Variants in PAX5 observed in about 807,000 individuals in gnomAD.
PAX5 encodes paired box protein Pax-5.
PAX5 carries 9 observed loss-of-function variants against 43.7 expected under a neutral mutation model. The ratio of observed to expected loss-of-function variants is 0.21; its 90% CI spans 0.12 to 0.36. The LOEUF (loss-of-function observed/expected upper bound fraction) is 0.36. PAX5 is among the 10% of genes least tolerant of loss of function. PAX5 has a pLI of 1.00. For missense variants in PAX5, 383 were observed against 532.7 expected, an observed-to-expected ratio of 0.72 and a Z score of 2.77; for synonymous variants, 228 against 214.3, an observed-to-expected ratio of 1.06 and a Z score of -0.56.
intron 6 of PAX5, chr9:36,930,816 G>T: frequency 7.7e-7 from 1 of 1,298,848 alleles, no homozygotes; most frequent in Non-Finnish European, 1.0e-6. Context: ...AGGAATTCTA[G>T]CAAGGGACTC....
intron 6 of PAX5, among the ~76,000 whole-genome samples, chr9:36,952,897 A>G (rs1329025477): frequency 2.6e-5 from 4 of 152,192 alleles, no homozygotes; most frequent in African/African-American, 9.6e-5. Context: ...TAGAAAAATC[A>G]AAGGTCTTAT....
chr9:36,948,758 T>C (rs1832758733), intron 6 of PAX5, among the ~76,000 whole-genome samples: 1 of 151,880 alleles, frequency 6.6e-6, no homozygotes, highest in East Asian at 1.9e-4. Flanking sequence ...CTGTCTCTCA[T>C]TCCCTCCCAC....
At chr9:37,021,225 A>G (rs1033677556) in intron 1 of PAX5, among the ~76,000 whole-genome samples, 2 of 152,256 alleles carry the variant, frequency 1.3e-5, no homozygotes, top group African/African-American at 4.8e-5. Flanking sequence ...TCCTTTTAAC[A>G]AATGTCTTTA....
intron 7 of PAX5, among the ~76,000 whole-genome samples, chr9:36,888,854 C>T (rs1361390108): frequency 6.6e-6 from 1 of 152,200 alleles, no homozygotes; most frequent in Non-Finnish European, 1.5e-5. Context: ...CCCCCGTTGC[C>T]TCCAGAGCCA....
chr9:36,882,236 C>G lies in PAX5; in HGVS notation c.911-131G>C, dbSNP rs79473240. ...AACGGCAATGTGCCCCCAGCTCCCC[C>G]CTGTCGCTCACACGCTCTCACAAAC... On this transcript the variant is annotated intron_variant, in intron 7 of 9. Transcript: ENST00000358127. The surrounding 1 kb of genome is among the most constrained non-coding windows in gnomAD (Gnocchi z 4.4). 8 of 643,392 alleles carry G rather than the reference C, an allele frequency of 1.2e-5. No homozygotes were observed. The highest frequency in any genetic ancestry group is 1.9e-5 in the African/African-American group (1 of 54,040). 39.9% of individuals were successfully genotyped at this position (643,392 alleles called of 1,614,324 possible).
intron 6 of PAX5, among the ~76,000 whole-genome samples, chr9:36,955,385 T>C (rs1833360163): frequency 6.6e-6 from 1 of 152,218 alleles, no homozygotes. Flanking sequence ...ATTTCACTAA[T>C]ATGCCTCCAG....
In PAX5 at chr9:37,020,701, G is replaced by A. The variant is rs2132503256; in HGVS notation, c.147C>T (p.Val49=). Residue 49 remains valine, a synonymous_variant, in exon 2 of 10, where the codon GTC becomes GTT. Transcript: ENST00000358127. ...GCTGCCTGGAGATGTCGCAGGGCCTGACACCTTGATGAGCAAGTTCCACTA... is the reference window on the plus strand; with the variant it reads ...GCTGCCTGGAGATGTCGCAGGGCCTAACACCTTGATGAGCAAGTTCCACTA... ...QRIVELAHQG[V]RPCDISRQLR... 1.2e-6 allele frequency: 2 copies of A among 1,614,178 alleles called. No homozygotes were observed. Among genetic ancestry groups the A allele is most frequent in the Non-Finnish European group, 1.7e-6 (2 of 1,180,026 alleles).
intron 5 of PAX5, among the ~76,000 whole-genome samples, chr9:36,997,360 C>T (rs539611934): frequency 1.3e-5 from 2 of 152,360 alleles, no homozygotes; most frequent in South Asian, 2.1e-4. Flanking sequence ...ATTCGCACTC[C>T]GCTGACCTCA....
chr9:36,966,408 G>T, intron 6 of PAX5, 141 bp downstream of exon 6: 1 of 825,878 alleles, frequency 1.2e-6, no homozygotes, highest in Non-Finnish European at 1.9e-6. Context: ...GCCCAAGTTT[G>T]GCCAAGAACA....
rs1312543439 is a variant in PAX5, at chr9:36,882,265, CAT to C, written c.911-162_911-161del. Reference sequence around the variant, plus strand: ...TCGCTCACACGCTCTCACAAACACACATACACACACACACACACACACACACA... The same window carrying C: ...TCGCTCACACGCTCTCACAAACACACACACACACACACACACACACACACA... On this transcript the variant is annotated intron_variant, in intron 7 of 9. Transcript: ENST00000358127. This position sits in a 1 kb window ranked among gnomAD's most constrained non-coding sequence, Gnocchi z 4.4. Among the ~76,000 whole-genome samples the C allele has an allele frequency of 3.8e-5, 5 of 132,664 alleles. No homozygotes were observed. Among genetic ancestry groups the C allele is most frequent in the South Asian group, 2.3e-4 (1 of 4,412 alleles). 87.0% of individuals were successfully genotyped at this position (132,664 alleles called of 152,430 possible).
chr9:36,855,801 G>A lies in PAX5; in HGVS notation c.1013-8872C>T, dbSNP rs138910411. Among the ~76,000 whole-genome samples, 11 of 152,272 alleles carry A rather than the reference G, an allele frequency of 7.2e-5. No homozygotes were observed. In the East Asian group the frequency reaches 1.5e-3, roughly 21 times the overall value. On this transcript the variant is annotated intron_variant, in intron 8 of 9. Coordinates refer to ENST00000358127, the MANE Select transcript of PAX5 (RefSeq NM_016734.3). ...TTCTGCACACCTACTCCACGGGGCC[G>A]TTTCCATCTCTCATGCTGTTTCCTT...
At chr9:37,031,526 T>C (rs73646313) in intron 1 of PAX5, among the ~76,000 whole-genome samples, 25,207 of 151,944 alleles carry the variant, frequency 0.17, 5,383 homozygotes, top group African/African-American at 0.49. Context: ...CTACTACTTG[T>C]CCAAGTAGTA....
Position 36,840,445 on chromosome 9 carries a change from A to C in PAX5, c.*115T>G. On this transcript the variant is annotated 3_prime_UTR_variant, in exon 10 of 10. Coordinates refer to ENST00000358127, the MANE Select transcript of PAX5 (RefSeq NM_016734.3). The stretch of plus-strand genomic sequence containing the variant: ...GAGAGGAAGAGGGGAGCTTCAGGCA[A>C]GTGGGGGATGCTGGGGGACGGTCTC... 1 of 1,008,990 alleles carries C rather than the reference A, an allele frequency of 9.9e-7. No homozygotes were observed. The highest frequency in any genetic ancestry group is 1.5e-6 in the Non-Finnish European group (1 of 663,648). 62.5% of individuals were successfully genotyped at this position (1,008,990 alleles called of 1,614,324 possible).
chr9:36,935,108 A>G (rs1831434195), intron 6 of PAX5, among the ~76,000 whole-genome samples: 1 of 152,206 alleles, frequency 6.6e-6, no homozygotes, highest in Non-Finnish European at 1.5e-5. Context: ...CAGGCCAGGC[A>G]TGGTGGCTCA....
chr9:36,981,156 C>T (rs953124083), intron 5 of PAX5, among the ~76,000 whole-genome samples: 2 of 146,326 alleles, frequency 1.4e-5, no homozygotes, highest in Non-Finnish European at 3.0e-5. Flanking sequence ...GTCAGCTCAT[C>T]AGTAGGACCA....
At chr9:37,005,175 G>A (rs554208350) in intron 4 of PAX5, among the ~76,000 whole-genome samples, 3 of 152,242 alleles carry the variant, frequency 2.0e-5, no homozygotes, top group East Asian at 1.9e-4. Context: ...CTTCACCCTA[G>A]CCCAGCAGAG....
rs61173333 is a variant in PAX5 at position 36,919,839 on chromosome 9, CAAAAAAAAAAA to C, written c.910+3505_910+3515del. Among the ~76,000 whole-genome samples, 280 of 66,242 alleles carry C rather than the reference CAAAAAAAAAAA, an allele frequency of 4.2e-3. 2 individuals carry two copies. Among genetic ancestry groups the C allele is most frequent in the African/African-American group, 0.017 (256 of 14,834 alleles). The allele number at this position is 66,242 out of a possible 152,430, so 43.5% of individuals were successfully genotyped here. A position where few individuals can be genotyped will look rare whatever the true frequency, so the allele number is the denominator to read the frequency against. On this transcript the variant is annotated intron_variant, in intron 7 of 9. Transcript: ENST00000358127. ...TGGGCAACAGAGTGAGACTCTGTCT[CAAAAAAAAAAA>C]AAAAAAAAAAAAAAAAAGAATATAC... is the stretch of plus-strand genomic sequence containing the variant.
At chr9:36,858,504 C>T (rs768883959) in intron 8 of PAX5, among the ~76,000 whole-genome samples, 1 of 152,170 alleles carries the variant, frequency 6.6e-6, no homozygotes, top group African/African-American at 2.4e-5. Context: ...TTCCTCCCCC[C>T]AGTTTCTGCC....
chr9:36,942,590 C>T (rs948954595), intron 6 of PAX5, among the ~76,000 whole-genome samples: 2 of 152,198 alleles, frequency 1.3e-5, no homozygotes, highest in African/African-American at 2.4e-5. Flanking sequence ...TTGTAAGAGT[C>T]GTGCTCAGCT....
Sources: gnomAD v4.1 joint callset for allele counts (sites outside exome capture counted in the v4.1 genomes callset) on GRCh38, gnomAD v4.1.1 for gene constraint, Gnocchi (gnomAD v3.1) non-coding constraint, MANE v1.5 for transcripts, NCBI Gene and HGNC (gene_info 2026-07-23, HGNC 2026-07-21) for gene names.